PRKN: variants seen among roughly 807,000 people sequenced by gnomAD.
The protein encoded by PRKN is E3 ubiquitin-protein ligase parkin.
Under a neutral mutation model 59.5 loss-of-function variants are expected in PRKN, and 56 were observed. That is an observed-to-expected ratio of 0.94 (90% CI 0.76 to 1.18). PRKN has a LOEUF of 1.18. Ranked by LOEUF, PRKN falls within the 50% of genes most tolerant of loss-of-function variation. PRKN has a pLI of 0.00. For synonymous variants in PRKN, 250 were observed against 222.1 expected (o/e 1.13, Z -1.12); for missense variants, 657 against 596.4 (o/e 1.10, Z -1.06).
intron 9 of PRKN, among the ~76,000 whole-genome samples, chr6:161,479,167 T>C (rs4709531): frequency 0.64 from 98,053 of 152,070 alleles, 32,727 homozygotes; most frequent in Middle Eastern, 0.81. Context: ...CGTATGATTG[T>C]TGTGTGGTAG....
At chr6:161,427,045 T>C (rs1788399298) in intron 9 of PRKN, among the ~76,000 whole-genome samples, 1 of 151,040 alleles carries the variant, frequency 6.6e-6, no homozygotes, top group African/African-American at 2.4e-5. Flanking sequence ...TGAGACAGGG[T>C]TTTACTCTGG....
intron 9 of PRKN, among the ~76,000 whole-genome samples, chr6:161,523,157 A>G (rs1477565886): frequency 6.6e-6 from 1 of 152,212 alleles, no homozygotes; most frequent in Admixed American, 6.5e-5. Flanking sequence ...ACATGGTTGA[A>G]TCCAGTGTAT....
At chr6:161,522,968 TTATC>T (rs1227219151) in intron 9 of PRKN, among the ~76,000 whole-genome samples, 1 of 152,234 alleles carries the variant, frequency 6.6e-6, no homozygotes, top group African/African-American at 2.4e-5. Context: ...TCAAACTTAC[TTATC>T]TATCTTTGAT....
intron 2 of PRKN, among the ~76,000 whole-genome samples, chr6:162,356,746 G>GT (rs1784879159): frequency 2.0e-5 from 1 of 50,136 alleles, no homozygotes; most frequent in East Asian, 4.9e-4. Context: ...GTGATTATTA[G>GT]TAAAAAAAAA....
chr6:162,167,935 T>C (rs1162906228), intron 4 of PRKN, among the ~76,000 whole-genome samples: 1 of 152,182 alleles, frequency 6.6e-6, no homozygotes, highest in East Asian at 1.9e-4. Flanking sequence ...AGAATATTAA[T>C]AACAGTTTTT....
chr6:161,673,473 G>A (rs1359942816), intron 7 of PRKN, among the ~76,000 whole-genome samples: 5 of 152,162 alleles, frequency 3.3e-5, no homozygotes, highest in Non-Finnish European at 7.3e-5. Flanking sequence ...TGAAAGGATG[G>A]CAGTGACTCA....
rs542588646 is a variant in PRKN, at chr6:161,498,412, C to T, written c.1083+50442G>A. On this transcript the variant is annotated intron_variant, in intron 9 of 11. Transcript: ENST00000366898. This position sits in a 1 kb window ranked among gnomAD's most constrained non-coding sequence, Gnocchi z 4.2. ...TTGGAATTCAAGCCTCCTCCCAACA[C>T]ACCACATGACCCCGCCGTGCCAGCC... 6.6e-6 allele frequency among the ~76,000 whole-genome samples: 1 copy of T among 152,216 alleles called. No homozygotes were observed. Among genetic ancestry groups the T allele is most frequent in the Non-Finnish European group, 1.5e-5 (1 of 68,046 alleles).
At chr6:162,073,969 A>T (rs1192880922) in intron 4 of PRKN, among the ~76,000 whole-genome samples, 1 of 152,016 alleles carries the variant, frequency 6.6e-6, no homozygotes, top group Non-Finnish European at 1.5e-5. Context: ...ATCATTAAAA[A>T]GTCAGGAAAC....
intron 2 of PRKN, among the ~76,000 whole-genome samples, chr6:162,339,377 G>A (rs1269006593): frequency 3.4e-4 from 49 of 145,002 alleles, no homozygotes; most frequent in African/African-American, 6.0e-4. Context: ...CGCCCCGTCC[G>A]GGAGGGAGGT....
chr6:161,485,367 C>G (rs1791600415), intron 9 of PRKN, among the ~76,000 whole-genome samples: 1 of 152,178 alleles, frequency 6.6e-6, no homozygotes, highest in Non-Finnish European at 1.5e-5. Context: ...AAACCTGTGT[C>G]CTGTTTCCCT....
At chr6:162,060,054 C>G (rs1200147256) in intron 4 of PRKN, among the ~76,000 whole-genome samples, 4 of 152,332 alleles carry the variant, frequency 2.6e-5, no homozygotes, top group African/African-American at 9.6e-5. Flanking sequence ...AACCACACAG[C>G]CTATCACGTT....
In PRKN at chr6:161,550,465, A is replaced by G. The variant is rs2315320; in HGVS notation, c.934-1462T>C. ...AGCAGAGAAGCTTATGTCAACATCT[A>G]TGACGTAAGCTAGGAGCTTATGTCA... On this transcript the variant is annotated intron_variant, in intron 8 of 11. Coordinates refer to ENST00000366898, the MANE Select transcript of PRKN (RefSeq NM_004562.3). This position sits in a 1 kb window ranked among gnomAD's most constrained non-coding sequence, Gnocchi z 4.0. Among the ~76,000 whole-genome samples the G allele has an allele frequency of 0.053, 7,968 of 151,306 alleles. 693 individuals carry two copies. The highest frequency in any genetic ancestry group is 0.18 in the African/African-American group (7,507 of 41,430).
intron 7 of PRKN, among the ~76,000 whole-genome samples, chr6:161,724,777 T>C (rs1787370177): frequency 6.6e-6 from 1 of 152,198 alleles, no homozygotes; most frequent in Admixed American, 6.5e-5. Context: ...ATAATATCAA[T>C]AACTAAAGTT....
At chr6:162,670,881 T>A (rs1027647280) in intron 1 of PRKN, among the ~76,000 whole-genome samples, 1 of 152,192 alleles carries the variant, frequency 6.6e-6, no homozygotes, top group Non-Finnish European at 1.5e-5. Flanking sequence ...TTTTATACTG[T>A]CTGATAAAAG....
chr6:161,603,127 GCAA>G (rs1363245807), intron 7 of PRKN, among the ~76,000 whole-genome samples: 2 of 152,130 alleles, frequency 1.3e-5, no homozygotes, highest in Non-Finnish European at 2.9e-5. Flanking sequence ...AAGCGTAGCA[GCAA>G]CAGTGCTAAA....
intron 2 of PRKN, among the ~76,000 whole-genome samples, chr6:162,396,754 GCACACACA>G (rs143119705): frequency 2.6e-5 from 4 of 151,944 alleles, no homozygotes; most frequent in African/African-American, 9.6e-5. Flanking sequence ...ATATGCACAT[GCACACACA>G]CACACATTTA....
chr6:162,242,774 A>G (rs758695676), intron 3 of PRKN, among the ~76,000 whole-genome samples: 1 of 152,072 alleles, frequency 6.6e-6, no homozygotes, highest in African/African-American at 2.4e-5. Context: ...CTTTGCCCCA[A>G]CATATTTAGT....
intron 6 of PRKN, among the ~76,000 whole-genome samples, chr6:161,929,186 T>C (rs1272596396): frequency 6.6e-6 from 1 of 152,300 alleles, no homozygotes; most frequent in East Asian, 1.9e-4. Flanking sequence ...ATGAACCTTA[T>C]AAACATTATG....
chr6:161,730,755 T>C (rs1787669865), intron 7 of PRKN, among the ~76,000 whole-genome samples: 1 of 152,164 alleles, frequency 6.6e-6, no homozygotes, highest in Non-Finnish European at 1.5e-5. Flanking sequence ...TATTGCATTC[T>C]GATGTGTTGT....
Sources: allele counts gnomAD v4.1 joint callset (sites outside exome capture counted in the v4.1 genomes callset), GRCh38; gene constraint gnomAD v4.1.1; non-coding constraint Gnocchi (gnomAD v3.1); transcripts MANE v1.5; gene names NCBI Gene and HGNC (gene_info 2026-07-23, HGNC 2026-07-21).